LYPLAL1: variants seen among roughly 807,000 people sequenced by gnomAD.
LYPLAL1 encodes the protein lysophospholipase like 1, also known as lysophospholipase-like protein 1.
LYPLAL1 carries 23 observed loss-of-function variants against 19.7 expected under a neutral mutation model. The ratio of observed to expected loss-of-function variants is 1.17; its 90% confidence interval spans 0.84 to 1.65. The LOEUF is 1.65. Ranked by LOEUF, LYPLAL1 falls within the 40% of genes most tolerant of loss-of-function variation. The pLI, the probability that LYPLAL1 is intolerant of heterozygous loss-of-function variation, is 0.00. For missense variants in LYPLAL1, 355 were observed against 279.4 expected (o/e 1.27, Z -1.93); for synonymous variants, 119 against 96.3 (o/e 1.24, Z -1.38).
chr1:219,289,704 CAA>C, the LYPLAL1 span, among the ~76,000 whole-genome samples: 1 of 152,164 alleles, frequency 6.6e-6, no homozygotes, highest in African/African-American at 2.4e-5. Context: ...CTGGTATTGT[CAA>C]ACACTTTCAA....
the LYPLAL1 span, among the ~76,000 whole-genome samples, chr1:219,276,688 G>T: frequency 6.6e-6 from 1 of 152,110 alleles, no homozygotes; most frequent in Non-Finnish European, 1.5e-5. Flanking sequence ...ACTTTGAGTG[G>T]GGATCATGTT....
chr1:219,355,575 G>A, the LYPLAL1 span, among the ~76,000 whole-genome samples: 1 of 151,946 alleles, frequency 6.6e-6, no homozygotes, highest in Non-Finnish European at 1.5e-5. Context: ...TCAGAGTAAG[G>A]AATATTACCA....
At chr1:219,194,817 A>T (rs1385352018) in intron 3 of LYPLAL1, among the ~76,000 whole-genome samples, 1 of 152,108 alleles carries the variant, frequency 6.6e-6, no homozygotes, top group African/African-American at 2.4e-5. Flanking sequence ...AGATGCACAA[A>T]TTATTAAAAT....
chr1:219,358,082 A>G, the LYPLAL1 span, among the ~76,000 whole-genome samples: 1 of 152,330 alleles, frequency 6.6e-6, no homozygotes, highest in East Asian at 1.9e-4. Context: ...TGGTGGATAC[A>G]TGACATGATG....
At chr1:219,320,117 A>C in the LYPLAL1 span, among the ~76,000 whole-genome samples, 1 of 152,244 alleles carries the variant, frequency 6.6e-6, no homozygotes, top group African/African-American at 2.4e-5. Flanking sequence ...GTAAGTGGTC[A>C]GGATGTCATA....
the LYPLAL1 span, among the ~76,000 whole-genome samples, chr1:219,308,329 A>G: frequency 1.3e-5 from 2 of 152,202 alleles, no homozygotes; most frequent in South Asian, 2.1e-4. Context: ...CAGCCTGACA[A>G]TGTGATAGAA....
At chr1:219,176,191 T>G (rs1655796985) in intron 1 of LYPLAL1, among the ~76,000 whole-genome samples, 1 of 152,216 alleles carries the variant, frequency 6.6e-6, no homozygotes, top group Non-Finnish European at 1.5e-5. Context: ...ACGGACCTTC[T>G]TTTAAGATGA....
intron 1 of LYPLAL1, among the ~76,000 whole-genome samples, chr1:219,177,786 G>A (rs1655946635): frequency 6.6e-6 from 1 of 152,108 alleles, no homozygotes; most frequent in South Asian, 2.1e-4. Context: ...TTTCAATTCT[G>A]TCTTGACACA....
the LYPLAL1 span, among the ~76,000 whole-genome samples, chr1:219,419,594 C>CACAGAGAGAGAGAGAGAGAGAGAGAG: frequency 2.8e-4 from 28 of 99,590 alleles, no homozygotes; most frequent in African/African-American, 1.0e-3. Flanking sequence ...CACACACACA[C>CACAGAGAGAGAGAGAGAGAGAGAGAG]AGAGAGAGAG....
the LYPLAL1 span, among the ~76,000 whole-genome samples, chr1:219,247,085 T>C: frequency 2.6e-5 from 4 of 152,208 alleles, no homozygotes; most frequent in African/African-American, 7.2e-5. Flanking sequence ...AAAATAGACA[T>C]GTAATTATGT....
chr1:219,181,830 T>TA (rs773848245), intron 2 of LYPLAL1, among the ~76,000 whole-genome samples: 6 of 152,074 alleles, frequency 3.9e-5, no homozygotes, highest in African/African-American at 7.2e-5. Flanking sequence ...ATATGATACT[T>TA]ACTTCTGTAT....
downstream of LYPLAL1, among the ~76,000 whole-genome samples, chr1:219,215,450 C>T (rs188449723): frequency 2.6e-4 from 40 of 152,184 alleles, no homozygotes; most frequent in East Asian, 4.5e-3. Context: ...TAATTTCTCA[C>T]GTGTCTTGTG....
chr1:219,385,790 T>C, the LYPLAL1 span, among the ~76,000 whole-genome samples: 45 of 152,302 alleles, frequency 3.0e-4, no homozygotes, highest in Admixed American at 1.8e-3. Context: ...AAGAATTTTG[T>C]AGGTTGCCAA....
At chr1:219,329,664 TG>T in the LYPLAL1 span, among the ~76,000 whole-genome samples, 44 of 152,334 alleles carry the variant, frequency 2.9e-4, no homozygotes, top group African/African-American at 1.0e-3. Flanking sequence ...TTGCTGAAAT[TG>T]GGGTGATACC....
the LYPLAL1 span, among the ~76,000 whole-genome samples, chr1:219,289,277 G>A: frequency 6.6e-6 from 1 of 152,046 alleles, no homozygotes; most frequent in Non-Finnish European, 1.5e-5. Flanking sequence ...CCCAATCATC[G>A]TGATCTGAGA....
At chr1:219,270,165 A>G in the LYPLAL1 span, among the ~76,000 whole-genome samples, 1 of 152,210 alleles carries the variant, frequency 6.6e-6, no homozygotes, top group South Asian at 2.1e-4. Context: ...AAAGATGCCA[A>G]GTGGTGTTAT....
At chr1:219,244,981 C>CT in the LYPLAL1 span, among the ~76,000 whole-genome samples, 1 of 150,338 alleles carries the variant, frequency 6.7e-6, no homozygotes, top group African/African-American at 2.4e-5. Flanking sequence ...TCCTTCTTTC[C>CT]TTTTTTCCTT....
chr1:219,213,216 A>G (rs1659165770), downstream of LYPLAL1, among the ~76,000 whole-genome samples: 1 of 152,008 alleles, frequency 6.6e-6, no homozygotes, highest in Non-Finnish European at 1.5e-5. Flanking sequence ...ACCTTTGTCA[A>G]AATTCAGCTA....
At chr1:219,434,645 A>AT in the LYPLAL1 span, among the ~76,000 whole-genome samples, 7 of 152,182 alleles carry the variant, frequency 4.6e-5, no homozygotes, top group East Asian at 1.9e-4. Flanking sequence ...CAATGCTGTG[A>AT]TTTTTTCAAT....
Sources: allele counts gnomAD v4.1 joint callset (sites outside exome capture counted in the v4.1 genomes callset), GRCh38; gene constraint gnomAD v4.1.1; transcripts MANE v1.5; gene names NCBI Gene and HGNC (gene_info 2026-07-23, HGNC 2026-07-21).